MYO9B: variants seen among roughly 807,000 people sequenced by gnomAD.
MYO9B encodes the protein myosin IXB.
In MYO9B, 71 loss-of-function variants were observed where a neutral mutation model predicts 229.5. That is an observed-to-expected ratio of 0.31 (90% CI 0.26 to 0.38). MYO9B has a LOEUF of 0.38. MYO9B is among the 10% of genes least tolerant of loss of function. The probability of loss-of-function intolerance (pLI) is 1.00; values close to 1 mark genes in which losing one functional copy is unlikely to be tolerated. For synonymous variants in MYO9B, 1,185 were observed against 1,235.8 expected (o/e 0.96, Z 0.86); for missense variants, 2,255 against 2,920.5 (o/e 0.77, Z 5.25).
intron 2 of MYO9B, among the ~76,000 whole-genome samples, chr19:17,112,541 C>T (rs1478475394): frequency 2.6e-5 from 4 of 152,042 alleles, no homozygotes; most frequent in Non-Finnish European, 5.9e-5. Flanking sequence ...ACCCCAGCCG[C>T]GGGGATGTGC....
chr19:17,184,774 G>C (rs2072899238), intron 16 of MYO9B, 91 bp from the exon 17 acceptor site: 1 of 1,565,360 alleles, frequency 6.4e-7, no homozygotes, highest in African/African-American at 1.4e-5. Flanking sequence ...CGGGGACGCT[G>C]TTCTGCCCTG....
chr19:17,102,916 AAAAG>A (rs1395364013), intron 2 of MYO9B, among the ~76,000 whole-genome samples: 2 of 151,282 alleles, frequency 1.3e-5, no homozygotes, highest in African/African-American at 2.4e-5. Flanking sequence ...CAAAAAAAAA[AAAAG>A]AAAGAAATTT....
chr19:17,134,332 A>G (rs1363530290), intron 2 of MYO9B, among the ~76,000 whole-genome samples: 1 of 123,240 alleles, frequency 8.1e-6, no homozygotes, highest in Non-Finnish European at 1.7e-5. Context: ...AGCTTCATCC[A>G]TGTTGTTGCA....
At chr19:17,183,625 CTG>C in intron 15 of MYO9B, 2 of 559,940 alleles carry the variant, frequency 3.6e-6, no homozygotes, top group South Asian at 4.6e-5. Context: ...CCCAGGGAAA[CTG>C]GTGTCCACAG....
At chr19:17,197,443 G>GATAC (rs1473806002) in intron 22 of MYO9B, among the ~76,000 whole-genome samples, 36 of 147,716 alleles carry the variant, frequency 2.4e-4, no homozygotes, top group South Asian at 8.4e-4. Flanking sequence ...TAGATAGATA[G>GATAC]ATAGATACAT....
At position 17,211,990 on chromosome 19, in the gene MYO9B, G is replaced by A. The variant is rs776629210; in HGVS notation, c.6154G>A (p.Val2052Ile). 12 of 1,590,568 alleles carry A rather than the reference G, an allele frequency of 7.5e-6. No homozygotes were observed. Among genetic ancestry groups the A allele is most frequent in the African/African-American group, 4.3e-5 (3 of 69,888 alleles). Residue 2052 changes from valine to isoleucine, a missense_variant, in exon 40 of 40, where the codon GTA becomes ATA. This residue lies in a region of MYO9B where 331 missense variants were observed against 332.5 expected (regional missense o/e 1.00). Coordinates refer to ENST00000682292, the MANE Select transcript of MYO9B (RefSeq NM_004145.4). ...TCCACGACGAAGGCCGTCGTCCTTC[G>A]TAACGGTCAGAGTGAAGACCCCCCG... ...APPRRRPSSF[V>I]TVRVKTPRRT... is the part of the protein sequence containing the mutation.
intron 2 of MYO9B, among the ~76,000 whole-genome samples, chr19:17,133,786 G>A (rs1203521197): frequency 6.6e-6 from 1 of 151,182 alleles, no homozygotes; most frequent in Non-Finnish European, 1.5e-5. Flanking sequence ...CTGAGGCGGA[G>A]GTCTCGCTCT....
intron 2 of MYO9B, among the ~76,000 whole-genome samples, chr19:17,107,913 G>A (rs1467556988): frequency 6.6e-6 from 1 of 152,144 alleles, no homozygotes; most frequent in Non-Finnish European, 1.5e-5. Context: ...TGGGGGCGGG[G>A]GGCTCAAGTC....
At chr19:17,191,052 C>T (rs762220818) in intron 19 of MYO9B, 45 bp from the exon 20 acceptor site, 1 of 1,592,610 alleles carries the variant, frequency 6.3e-7, no homozygotes, top group Non-Finnish European at 8.6e-7. Flanking sequence ...CATCGCTGGC[C>T]AGAACACTCA....
At chr19:17,120,142 T>C (rs376419834) in intron 2 of MYO9B, among the ~76,000 whole-genome samples, 4 of 152,068 alleles carry the variant, frequency 2.6e-5, no homozygotes, top group African/African-American at 9.7e-5. Context: ...AGGAGCAGCT[T>C]GTGCCCAACT....
intron 2 of MYO9B, among the ~76,000 whole-genome samples, chr19:17,131,752 G>T (rs941165995): frequency 6.6e-6 from 1 of 152,182 alleles, no homozygotes; most frequent in Non-Finnish European, 1.5e-5. Context: ...AGAGGAAGAG[G>T]CAAGACTGCC....
rs759956013 is a variant in MYO9B at position 17,180,979 on chromosome 19, G to A, written c.2272G>A (p.Glu758Lys). ...CATCAAAGGATTGCCCTGGCAGGGC[G>A]AGGACCCCCGTAGCCTTCTCCAGTC... is the stretch of plus-strand genomic sequence containing the variant. ...KSIKGLPWQG[E>K]DPRSLLQSLS... Residue 758 changes from glutamate to lysine, a missense_variant, in exon 15 of 40, where the codon GAG (glutamate) becomes AAG (lysine). Coordinates refer to ENST00000682292, the MANE Select transcript of MYO9B (RefSeq NM_004145.4). 6.6e-5 allele frequency: 106 copies of A among 1,611,218 alleles called. 1 individual carries two copies. Among genetic ancestry groups the A allele is most frequent in the Middle Eastern group, 5.0e-4 (3 of 6,056 alleles).
intron 6 of MYO9B, among the ~76,000 whole-genome samples, chr19:17,156,319 T>C (rs2072537235): frequency 1.3e-5 from 2 of 151,446 alleles, no homozygotes; most frequent in African/African-American, 2.4e-5. Context: ...GAGGCTGAGA[T>C]AGGAGGCTCA....
At chr19:17,113,519 A>G (rs17527173) in intron 2 of MYO9B, among the ~76,000 whole-genome samples, 11,222 of 152,160 alleles carry the variant, frequency 0.074, 452 homozygotes, top group South Asian at 0.11. Flanking sequence ...GGTTATCCAC[A>G]CAAACATCTA....
intron 7 of MYO9B, 56 bp from the exon 8 acceptor site, chr19:17,159,339 G>T (rs186479210): frequency 2.9e-5 from 43 of 1,470,796 alleles, no homozygotes; most frequent in Middle Eastern, 3.4e-4. Flanking sequence ...ACCAGGACAT[G>T]CCTGATAAGT....
At chr19:17,182,445 C>T (rs185438820) in intron 15 of MYO9B, among the ~76,000 whole-genome samples, 76 of 152,116 alleles carry the variant, frequency 5.0e-4, no homozygotes, top group African/African-American at 1.6e-3. Context: ...CACTCTGTCG[C>T]CAGGCTGGAG....
At chr19:17,161,054 G>C (rs1431439763) in intron 8 of MYO9B, among the ~76,000 whole-genome samples, 1 of 151,720 alleles carries the variant, frequency 6.6e-6, no homozygotes, top group Non-Finnish European at 1.5e-5. Context: ...ACCCGCCTCG[G>C]CTCCCAGAGT....
At position 17,160,207 on chromosome 19, in the gene MYO9B, A is replaced by G. The variant is rs560919354; in HGVS notation, c.1419+723A>G. Among the ~76,000 whole-genome samples, 103 of 152,300 alleles carry G rather than the reference A, an allele frequency of 6.8e-4. 1 individual carries two copies. The South Asian group carries it at 0.021, about 31-fold the overall frequency. On this transcript the variant is annotated intron_variant, in intron 8 of 39. Transcript: ENST00000682292. ...GATGGGAAGCTGCTGTGGCATTTCA[A>G]ACAGGCACCGGGGACATTCTGAGCC...
intron 2 of MYO9B, among the ~76,000 whole-genome samples, chr19:17,110,978 C>T (rs1359732227): frequency 6.6e-6 from 1 of 152,160 alleles, no homozygotes; most frequent in East Asian, 1.9e-4. Flanking sequence ...TCCCCCAGCC[C>T]CTCTGCCATC....
Sources: gnomAD v4.1 joint callset for allele counts (sites outside exome capture counted in the v4.1 genomes callset) on GRCh38, gnomAD v4.1.1 for gene constraint, gnomAD v4.1.1 regional missense constraint, MANE v1.5 for transcripts, NCBI Gene and HGNC (gene_info 2026-07-23, HGNC 2026-07-21) for gene names.